Variants in NTM observed in about 807,000 individuals in gnomAD.
NTM encodes the protein IgLON family member 2.
Under a neutral mutation model 42.1 loss-of-function variants are expected in NTM, and 13 were observed. That is an observed-to-expected ratio of 0.31 (90% CI 0.20 to 0.49). NTM has a LOEUF of 0.49. Among genes scored for constraint, NTM ranks in the 20% least tolerant of loss-of-function variants. NTM has a pLI of 0.99. For synonymous variants in NTM, 187 were observed against 179.2 expected, an observed-to-expected ratio of 1.04 and a Z score of -0.35; for missense variants, 373 against 452.8, an observed-to-expected ratio of 0.82 and a Z score of 1.60.
chr11:131,771,757 G>C (rs1448820414), intron 1 of NTM: 2 of 152,178 alleles, frequency 1.3e-5, no homozygotes, highest in African/African-American at 4.8e-5. Context: ...TATAGAGCCT[G>C]ATCCCTGCAT....
intron 2 of NTM, among the ~76,000 whole-genome samples, chr11:131,915,997 G>T (rs1284462837): frequency 6.6e-6 from 1 of 152,230 alleles, no homozygotes; most frequent in Non-Finnish European, 1.5e-5. Flanking sequence ...AAGGCGTACG[G>T]CCTGGACTTG....
At chr11:132,302,290 T>C (rs1192417680) in intron 4 of NTM, among the ~76,000 whole-genome samples, 1 of 152,196 alleles carries the variant, frequency 6.6e-6, no homozygotes, top group African/African-American at 2.4e-5. Context: ...CACTTTTAAA[T>C]TAAGGATGCC....
Position 131,991,910 on chromosome 11 carries a change from CAG to C in NTM, c.167+80264_167+80265del, listed in dbSNP as rs546107087. Among the ~76,000 whole-genome samples, 785 of 152,232 alleles carry C rather than the reference CAG, an allele frequency of 5.2e-3. 2 individuals carry two copies. The highest frequency in any genetic ancestry group is 7.4e-3 in the Non-Finnish European group (502 of 68,006). On this transcript the variant is annotated intron_variant, in intron 2 of 8. Coordinates refer to ENST00000683400, the MANE Select transcript of NTM (RefSeq NM_001352005.2). ...GTTGATGATAGTGGACAGGTAAAGA[CAG>C]AAGTCATATTTTCATGAAGTGCTTA...
intron 2 of NTM, among the ~76,000 whole-genome samples, chr11:132,100,147 A>T (rs985962874): frequency 3.9e-5 from 6 of 152,234 alleles, no homozygotes; most frequent in Non-Finnish European, 7.3e-5. Flanking sequence ...CTATATTTGC[A>T]TGTTTTTAAC....
chr11:131,857,038 T>G (rs1335594061), intron 1 of NTM, among the ~76,000 whole-genome samples: 1 of 152,220 alleles, frequency 6.6e-6, no homozygotes, highest in East Asian at 1.9e-4. Context: ...AAGAAGTTTG[T>G]TAGCCCTAGA....
chr11:131,758,675 C>G (rs532206059), intron 1 of NTM, among the ~76,000 whole-genome samples: 1 of 151,968 alleles, frequency 6.6e-6, no homozygotes, highest in Non-Finnish European at 1.5e-5. Context: ...TCACTGCAAC[C>G]TCAGCCTCCC....
chr11:132,285,490 A>G (rs753821905), intron 4 of NTM, among the ~76,000 whole-genome samples: 12 of 152,116 alleles, frequency 7.9e-5, no homozygotes, highest in Non-Finnish European at 1.6e-4. Context: ...TGCTACTCTC[A>G]CTGTCACAGC....
chr11:131,437,508 T>G (rs1949245525), intron 1 of NTM, among the ~76,000 whole-genome samples: 1 of 152,246 alleles, frequency 6.6e-6, no homozygotes, highest in South Asian at 2.1e-4. Context: ...TTAGCTCTTC[T>G]TGTTGAATTG....
chr11:131,628,194 C>T (rs945871456), intron 1 of NTM, among the ~76,000 whole-genome samples: 1 of 152,162 alleles, frequency 6.6e-6, no homozygotes, highest in East Asian at 1.9e-4. Context: ...TGTGAGGAGA[C>T]AATCTCCCAC....
intron 3 of NTM, among the ~76,000 whole-genome samples, chr11:132,193,449 C>G (rs540894552): frequency 6.3e-4 from 96 of 151,762 alleles, no homozygotes; most frequent in African/African-American, 2.2e-3. Flanking sequence ...AAAATAAAAA[C>G]AATTTTCGAA....
intron 2 of NTM, among the ~76,000 whole-genome samples, chr11:131,913,898 G>A (rs908772754): frequency 6.6e-6 from 1 of 152,150 alleles, no homozygotes; most frequent in South Asian, 2.1e-4. Context: ...GGGTCTGAGC[G>A]ACACCAGCCC....
chr11:131,968,961 A>G (rs773743511), intron 2 of NTM, among the ~76,000 whole-genome samples: 6 of 152,170 alleles, frequency 3.9e-5, no homozygotes, highest in Non-Finnish European at 7.4e-5. Context: ...AGGGGATGCT[A>G]CCTCTATACC....
chr11:132,146,898 A>C lies in NTM; in HGVS notation c.400+384A>C. ...TGTTATGTTTAAAACCAGACTTTTA[A>C]TGCACTTTTGGAAGTACAGGTATGC... On this transcript the variant is annotated intron_variant, in intron 3 of 8. Transcript: ENST00000683400. This position sits in a 1 kb window ranked among gnomAD's most constrained non-coding sequence, Gnocchi z 4.5. The C allele has an allele frequency of 4.5e-6, 1 of 220,550 alleles. No homozygotes were observed. The allele number at this position is 220,550 out of a possible 1,614,324, so 13.7% of individuals were successfully genotyped here. A position where few individuals can be genotyped will look rare whatever the true frequency, so the allele number is the denominator to read the frequency against.
intron 1 of NTM, among the ~76,000 whole-genome samples, chr11:131,804,458 G>A (rs535616549): frequency 1.7e-4 from 26 of 152,200 alleles, no homozygotes; most frequent in African/African-American, 6.3e-4. Context: ...ATGCCATAAA[G>A]GGCAAGAGTA....
chr11:131,377,708 A>G lies in NTM; in HGVS notation c.82+6820A>G, dbSNP rs74431173. On this transcript the variant is annotated intron_variant, in intron 1 of 8. Coordinates refer to ENST00000683400, the MANE Select transcript of NTM (RefSeq NM_001352005.2). The stretch of plus-strand genomic sequence containing the variant: ...TGTGTAGTTGTTCTCCTACACACCC[A>G]TCTTCTTTCAATCCATGGATTGTGT... Among the ~76,000 whole-genome samples, 681 of 152,296 alleles carry G rather than the reference A, an allele frequency of 4.5e-3. 3 individuals are homozygous for G. Among genetic ancestry groups the G allele is most frequent in the African/African-American group, 0.016 (650 of 41,568 alleles).
intron 2 of NTM, among the ~76,000 whole-genome samples, chr11:131,984,107 G>C (rs2065699115): frequency 6.6e-6 from 1 of 152,192 alleles, no homozygotes; most frequent in African/African-American, 2.4e-5. Context: ...AGGCATTTAA[G>C]TAAATATCCA....
chr11:131,808,734 G>A (rs145105260), intron 1 of NTM, among the ~76,000 whole-genome samples: 2 of 152,250 alleles, frequency 1.3e-5, no homozygotes, highest in Non-Finnish European at 2.9e-5. Context: ...GCTTTGACAA[G>A]TCATCACTGA....
intron 1 of NTM, among the ~76,000 whole-genome samples, chr11:131,466,298 A>C (rs1951883491): frequency 6.6e-6 from 1 of 152,188 alleles, no homozygotes; most frequent in African/African-American, 2.4e-5. Flanking sequence ...AGATTTATTG[A>C]CTTCTTCTTA....
At position 131,817,485 on chromosome 11, in the gene NTM, T is replaced by C. The variant is rs890421855; in HGVS notation, c.83-94079T>C. 3.9e-5 allele frequency among the ~76,000 whole-genome samples: 6 copies of C among 152,300 alleles called. No individual in the cohort carries two copies. The East Asian group carries it at 1.2e-3, about 29-fold the overall frequency. On this transcript the variant is annotated intron_variant, in intron 1 of 8. Transcript: ENST00000683400. ...CTTTTGCTTCAGCCTGACCTAGAAG[T>C]AGCTTTGACTTACAACTGGGCACCT...
Sources: gnomAD v4.1 joint callset for allele counts (sites outside exome capture counted in the v4.1 genomes callset) on GRCh38, gnomAD v4.1.1 for gene constraint, Gnocchi (gnomAD v3.1) non-coding constraint, MANE v1.5 for transcripts, NCBI Gene and HGNC (gene_info 2026-07-23, HGNC 2026-07-21) for gene names.